The following PDE4D variants were observed in gnomAD, a reference collection of about 807,000 sequenced individuals.
The protein encoded by PDE4D is 3',5'-cyclic-AMP phosphodiesterase 4D.
A neutral mutation model predicts 87.4 loss-of-function variants in PDE4D; 24 were observed. That is an observed-to-expected ratio of 0.27 (90% CI 0.20 to 0.39). The LOEUF is 0.39. Among genes scored for constraint, PDE4D ranks in the 10% least tolerant of loss-of-function variants. The pLI, the probability that PDE4D is intolerant of heterozygous loss-of-function variation, is 1.00. For missense variants in PDE4D, 714 were observed against 1,041.0 expected (o/e 0.69, Z 4.32); for synonymous variants, 384 against 383.2 (o/e 1.00, Z -0.02).
At chr5:59,024,968 G>T in intron 6 of PDE4D, among the ~76,000 whole-genome samples, 1 of 151,686 alleles carries the variant, frequency 6.6e-6, no homozygotes, top group Non-Finnish European at 1.5e-5. Context: ...ACAAGGGAGG[G>T]GACTAGTCAA....
intron 11 of PDE4D, among the ~76,000 whole-genome samples, chr5:58,983,510 T>TAGTC (rs767807317): frequency 6.6e-6 from 1 of 152,210 alleles, no homozygotes; most frequent in Admixed American, 6.5e-5. Flanking sequence ...TGGTGGCCCA[T>TAGTC]AGTCAGTCAG....
intron 1 of PDE4D, among the ~76,000 whole-genome samples, chr5:60,232,337 G>C (rs1679376741): frequency 6.6e-6 from 1 of 151,842 alleles, no homozygotes; most frequent in South Asian, 2.1e-4. Flanking sequence ...GGTGCAAGTA[G>C]GTTATACTAA....
chr5:60,289,536 C>T (rs78820279), intron 1 of PDE4D, among the ~76,000 whole-genome samples: 4,137 of 152,226 alleles, frequency 0.027, 163 homozygotes, highest in African/African-American at 0.095. Context: ...TCTTTCCCCA[C>T]CCCTGTAGAG....
chr5:60,163,847 T>G (rs562987380), intron 2 of PDE4D, among the ~76,000 whole-genome samples: 4 of 152,218 alleles, frequency 2.6e-5, no homozygotes, highest in South Asian at 2.1e-4. Context: ...TGAATACAAA[T>G]GAAAAGAAGA....
intron 1 of PDE4D, among the ~76,000 whole-genome samples, chr5:60,366,371 C>G (rs933261175): frequency 1.3e-5 from 2 of 152,148 alleles, no homozygotes; most frequent in African/African-American, 4.8e-5. Flanking sequence ...AAAGTCAGAT[C>G]ATACACCAAG....
At chr5:60,215,184 C>T (rs1272876158) in intron 1 of PDE4D, among the ~76,000 whole-genome samples, 4 of 152,088 alleles carry the variant, frequency 2.6e-5, no homozygotes, top group African/African-American at 9.7e-5. Context: ...AGAATCAGAC[C>T]TTTTTAATCC....
At chr5:60,108,015 T>C (rs1777211316) in intron 2 of PDE4D, among the ~76,000 whole-genome samples, 1 of 151,988 alleles carries the variant, frequency 6.6e-6, no homozygotes, top group Non-Finnish European at 1.5e-5. Flanking sequence ...CCAGGGCAAT[T>C]AAGCAGGAGA....
At chr5:59,725,665 A>C (rs1185975814) in intron 1 of PDE4D, among the ~76,000 whole-genome samples, 1 of 152,146 alleles carries the variant, frequency 6.6e-6, no homozygotes, top group Non-Finnish European at 1.5e-5. Context: ...TTGAAATGTT[A>C]TTTAAAAAGA....
chr5:59,769,031 T>C (rs1262073774), intron 1 of PDE4D, among the ~76,000 whole-genome samples: 1 of 151,904 alleles, frequency 6.6e-6, no homozygotes, highest in Non-Finnish European at 1.5e-5. Context: ...CTCCCTACAG[T>C]CCACGTTCAT....
intron 1 of PDE4D, among the ~76,000 whole-genome samples, chr5:59,596,216 A>T (rs903164775): frequency 6.6e-6 from 1 of 151,018 alleles, no homozygotes; most frequent in Non-Finnish European, 1.5e-5. Context: ...TTACAAATAC[A>T]TATATTTGTA....
At chr5:59,423,292 C>T (rs1165592764) in intron 1 of PDE4D, among the ~76,000 whole-genome samples, 1 of 152,182 alleles carries the variant, frequency 6.6e-6, no homozygotes, top group Non-Finnish European at 1.5e-5. Context: ...TTTATACTCT[C>T]ACTGGGTCCT....
intron 1 of PDE4D, among the ~76,000 whole-genome samples, chr5:59,727,720 G>T (rs1278365352): frequency 6.6e-6 from 1 of 152,058 alleles, no homozygotes; most frequent in Non-Finnish European, 1.5e-5. Context: ...CCCTCTGTGA[G>T]CATGTTCTTT....
chr5:59,690,466 G>A (rs1467040444), intron 1 of PDE4D, among the ~76,000 whole-genome samples: 1 of 152,094 alleles, frequency 6.6e-6, no homozygotes, highest in Admixed American at 6.5e-5. Context: ...TAAGAAATGG[G>A]GAAAGGATTC....
intron 1 of PDE4D, among the ~76,000 whole-genome samples, chr5:59,634,423 C>T (rs1361075819): frequency 6.6e-6 from 1 of 152,192 alleles, no homozygotes; most frequent in Non-Finnish European, 1.5e-5. Context: ...CACAAATCAA[C>T]AGAATATACA....
intron 2 of PDE4D, among the ~76,000 whole-genome samples, chr5:60,018,594 C>A (rs1447366309): frequency 6.6e-6 from 1 of 152,134 alleles, no homozygotes; most frequent in Non-Finnish European, 1.5e-5. Flanking sequence ...TCAAGGGACT[C>A]ATCTCATGTG....
intron 1 of PDE4D, among the ~76,000 whole-genome samples, chr5:59,475,167 G>A (rs137869572): frequency 3.6e-4 from 42 of 115,290 alleles, no homozygotes; most frequent in African/African-American, 1.7e-3. Context: ...ACTGGCAACC[G>A]TTAGAGAATT....
At chr5:60,328,504 T>C (rs1757010402) in intron 1 of PDE4D, among the ~76,000 whole-genome samples, 1 of 152,256 alleles carries the variant, frequency 6.6e-6, no homozygotes, top group African/African-American at 2.4e-5. Flanking sequence ...TGTTTCATTT[T>C]CATTGCTGTA....
intron 1 of PDE4D, among the ~76,000 whole-genome samples, chr5:60,331,534 C>T (rs36050835): frequency 0.26 from 38,803 of 152,110 alleles, 5,424 homozygotes; most frequent in East Asian, 0.48. Context: ...TTGTGTGGAA[C>T]GCAAACTTCC....
At chr5:58,998,347 G>A (rs766995740) in intron 6 of PDE4D, among the ~76,000 whole-genome samples, 1 of 152,110 alleles carries the variant, frequency 6.6e-6, no homozygotes, top group Non-Finnish European at 1.5e-5. Context: ...AATAACATCA[G>A]TTGTGAGCTG....
Sources: allele counts gnomAD v4.1 joint callset (sites outside exome capture counted in the v4.1 genomes callset), GRCh38; gene constraint gnomAD v4.1.1; transcripts MANE v1.5; gene names NCBI Gene and HGNC (gene_info 2026-07-23, HGNC 2026-07-21).